SPG11: variants seen among roughly 807,000 people sequenced by gnomAD.
SPG11 encodes the protein spatacsin.
SPG11 carries 222 observed loss-of-function variants against 274.0 expected under a neutral mutation model. The ratio of observed to expected loss-of-function variants is 0.81; its 90% CI spans 0.73 to 0.91. The LOEUF (loss-of-function observed/expected upper bound fraction) is 0.91. Ranked by LOEUF, SPG11 falls within the 40% of genes least tolerant of loss-of-function variation. The pLI is 0.00. For missense variants in SPG11, 3,114 were observed against 2,872.7 expected, an observed-to-expected ratio of 1.08 and a Z score of -1.92; for synonymous variants, 1,144 against 1,039.7, an observed-to-expected ratio of 1.10 and a Z score of -1.93.
intron 20 of SPG11, among the ~76,000 whole-genome samples, chr15:44,603,881 CT>C (rs959506665): frequency 6.6e-6 from 1 of 151,712 alleles, no homozygotes; most frequent in East Asian, 1.9e-4. Context: ...TATTGTTTTT[CT>C]TTTTTTTAAA....
intron 33 of SPG11, chr15:44,572,432 A>C: frequency 2.1e-6 from 1 of 481,196 alleles, no homozygotes. Context: ...TTGCAGGGCA[A>C]TATAAGAGTG....
Position 44,620,228 on chromosome 15 carries a change from G to A in SPG11, c.2796C>T (p.Asn932=), listed in dbSNP as rs753467634. ...CTAAAATTTCATTCCTCATGTAGTT[G>A]TTACAGGAAGTATTCTGGTTAATAA... ...VDVINQNTSC[N]NYMRNEILDK... Residue 932 remains asparagine, a synonymous_variant, in exon 15 of 40, where the codon AAC becomes AAT. Coordinates refer to ENST00000261866, the MANE Select transcript of SPG11 (RefSeq NM_025137.4). The A allele has an allele frequency of 1.9e-6, 3 of 1,613,908 alleles. No individual in the cohort carries two copies. Among genetic ancestry groups the A allele is most frequent in the Non-Finnish European group, 1.7e-6 (2 of 1,179,970 alleles).
chr15:44,617,050 G>T lies in SPG11; in HGVS notation c.2835-1484C>A, dbSNP rs558942799. On this transcript the variant is annotated intron_variant, in intron 15 of 39. Coordinates refer to ENST00000261866, the MANE Select transcript of SPG11 (RefSeq NM_025137.4). ...CTCTGCGTCACCCTACTCTGTTCCT[G>T]GAGGCTCACCTCTATGGGTTCTACT... Among the ~76,000 whole-genome samples the T allele has an allele frequency of 3.9e-3, 595 of 152,272 alleles. 2 individuals are homozygous for T. Among genetic ancestry groups the T allele is most frequent in the African/African-American group, 0.014 (569 of 41,554 alleles).
In SPG11 at chr15:44,663,658, C is replaced by T. The variant is rs1404791067; in HGVS notation, c.-11G>A. Reference sequence around the variant, plus strand: ...TTCCTCTGCAGCCATCTTGGCCCGGCGGTTACTTCCGGTCACTTTCGCCGG... The same window carrying T: ...TTCCTCTGCAGCCATCTTGGCCCGGTGGTTACTTCCGGTCACTTTCGCCGG... On this transcript the variant is annotated 5_prime_UTR_variant, in exon 1 of 40. Transcript: ENST00000261866. 1 of 1,586,078 alleles carries T rather than the reference C, an allele frequency of 6.3e-7. No homozygotes were observed. Among genetic ancestry groups the T allele is most frequent in the South Asian group, 1.1e-5 (1 of 88,906 alleles).
chr15:44,652,645 T>TGA (rs1459256618), intron 4 of SPG11, among the ~76,000 whole-genome samples: 2 of 151,152 alleles, frequency 1.3e-5, no homozygotes, highest in African/African-American at 4.9e-5. Flanking sequence ...GACTATCAAG[T>TGA]CTAGCTTTTT....
intron 18 of SPG11, among the ~76,000 whole-genome samples, chr15:44,610,333 T>C (rs1011321813): frequency 6.6e-6 from 1 of 151,788 alleles, no homozygotes; most frequent in African/African-American, 2.4e-5. Flanking sequence ...GAATTACAAA[T>C]GTGAGCCACC....
chr15:44,602,019 C>T (rs1318699286), intron 20 of SPG11, among the ~76,000 whole-genome samples: 1 of 152,184 alleles, frequency 6.6e-6, no homozygotes, highest in African/African-American at 2.4e-5. Context: ...CTTTTTCAGA[C>T]AGTTTGCTGT....
At chr15:44,606,460 T>C (rs957596009) in intron 19 of SPG11, among the ~76,000 whole-genome samples, 1 of 150,536 alleles carries the variant, frequency 6.6e-6, no homozygotes, top group Non-Finnish European at 1.5e-5. Context: ...CAGGTAAACA[T>C]GATAAGATGA....
Position 44,622,360 on chromosome 15 carries a change from G to C in SPG11, c.2317-13C>G, listed in dbSNP as rs372670941. ...TTAAAATTTCAACCTTGAATAAAAA[G>C]TAATTAAAGCAGTGACTTTACAAAA... On this transcript the variant is annotated splice_polypyrimidine_tract_variant and intron_variant, in intron 12 of 39. Coordinates refer to ENST00000261866, the MANE Select transcript of SPG11 (RefSeq NM_025137.4). 2.7e-5 allele frequency: 41 copies of C among 1,528,446 alleles called. No individual in the cohort carries two copies. The highest frequency in any genetic ancestry group is 3.7e-5 in the Non-Finnish European group (41 of 1,115,958). The allele number at this position is 1,528,446 out of a possible 1,614,324, so 94.7% of individuals were successfully genotyped here. A position where few individuals can be genotyped will look rare whatever the true frequency, so the allele number is the denominator to read the frequency against.
At chr15:44,582,202 G>C (rs1462455981) in intron 30 of SPG11, among the ~76,000 whole-genome samples, 1 of 152,076 alleles carries the variant, frequency 6.6e-6, no homozygotes, top group Non-Finnish European at 1.5e-5. Context: ...AAAAGAGGAG[G>C]GAGTACTTTC....
intron 15 of SPG11, among the ~76,000 whole-genome samples, chr15:44,616,157 T>C (rs901877321): frequency 7.2e-5 from 11 of 152,026 alleles, no homozygotes; most frequent in African/African-American, 2.4e-4. Context: ...TGCCCTTTGC[T>C]ACCTCCAGAG....
At chr15:44,658,352 A>G (rs1260255490) in intron 3 of SPG11, among the ~76,000 whole-genome samples, 1 of 152,256 alleles carries the variant, frequency 6.6e-6, no homozygotes, top group Non-Finnish European at 1.5e-5. Flanking sequence ...ATATTTTCTA[A>G]GATCAAATTA....
At chr15:44,576,927 A>G (rs1183577538) in intron 30 of SPG11, among the ~76,000 whole-genome samples, 1 of 151,760 alleles carries the variant, frequency 6.6e-6, no homozygotes, top group Non-Finnish European at 1.5e-5. Flanking sequence ...CCTGAGTTCA[A>G]GCGATTCTCC....
At chr15:44,571,417 A>C (rs2140924553) in intron 33 of SPG11, among the ~76,000 whole-genome samples, 1 of 152,234 alleles carries the variant, frequency 6.6e-6, no homozygotes, top group South Asian at 2.1e-4. Context: ...AGTGTCTGGC[A>C]CAAAGTTGGC....
intron 26 of SPG11, 56 bp downstream of exon 26, chr15:44,595,203 G>T: frequency 1.3e-6 from 2 of 1,520,144 alleles, no homozygotes; most frequent in Non-Finnish European, 1.8e-6. Flanking sequence ...AGCCAAGAAG[G>T]GATATGCTGA....
chr15:44,647,758 G>A lies in SPG11; in HGVS notation c.1602+1108C>T, dbSNP rs377671490. On this transcript the variant is annotated intron_variant, in intron 7 of 39. Coordinates refer to ENST00000261866, the MANE Select transcript of SPG11 (RefSeq NM_025137.4). The stretch of plus-strand genomic sequence containing the variant: ...TGGTGTTTAAGACTTGGAGACAACA[G>A]GAAATAGGGAGTGGCCACTAATGGT... 2.0e-5 allele frequency among the ~76,000 whole-genome samples: 3 copies of A among 152,194 alleles called. No individual in the cohort carries two copies. In the East Asian group the frequency reaches 5.8e-4, roughly 29 times the overall value.
rs767920399 is a variant in SPG11, at chr15:44,600,473, T to C, written c.3680A>G (p.Lys1227Arg). ...TTATATTTTAAATACTCACAGCTGC[T>C]TGGGAGTCTTGCTCTTGATTAATTC... The part of the protein sequence containing the change: ...VQELIKSKTP[K>R]QLIQQVGNEA... Residue 1227 changes from lysine (K) to arginine (R), a missense_variant, in exon 21 of 40, where the codon AAG becomes AGG. Lys to Arg is a conservative substitution (Grantham distance 26). Transcript: ENST00000261866. The C allele has an allele frequency of 1.1e-5, 18 of 1,613,836 alleles. No individual in the cohort carries two copies. Among genetic ancestry groups the C allele is most frequent in the East Asian group, 4.5e-5 (2 of 44,880 alleles).
intron 16 of SPG11, among the ~76,000 whole-genome samples, chr15:44,613,802 T>C (rs2083523099): frequency 6.6e-6 from 1 of 152,258 alleles, no homozygotes; most frequent in African/African-American, 2.4e-5. Flanking sequence ...AATAGATACC[T>C]TGTACTTTAA....
At chr15:44,572,571 G>T (rs1435054405) in intron 33 of SPG11, 112 bp downstream of exon 33, 3 of 1,079,288 alleles carry the variant, frequency 2.8e-6, no homozygotes, top group Middle Eastern at 2.0e-4. Flanking sequence ...CCTGCTGGAG[G>T]GCTAGGCATC....
Sources: allele counts gnomAD v4.1 joint callset (sites outside exome capture counted in the v4.1 genomes callset), GRCh38; gene constraint gnomAD v4.1.1; transcripts MANE v1.5; gene names NCBI Gene and HGNC (gene_info 2026-07-23, HGNC 2026-07-21).